Variants in RPTOR observed in about 807,000 individuals in gnomAD.
RPTOR encodes the protein regulatory-associated protein of mTOR.
Under a neutral mutation model 169.9 loss-of-function variants are expected in RPTOR, and 21 were observed. That is an observed-to-expected ratio of 0.12 (90% CI 0.09 to 0.18). The LOEUF is 0.18. Among genes scored for constraint, RPTOR ranks in the 10% least tolerant of loss-of-function variants. RPTOR has a pLI of 1.00. For missense variants in RPTOR, 1,133 were observed against 1,855.9 expected, an observed-to-expected ratio of 0.61 and a Z score of 7.16; for synonymous variants, 732 against 753.2, an observed-to-expected ratio of 0.97 and a Z score of 0.46.
rs1423548319 is a variant in RPTOR at position 80,844,757 on chromosome 17, G to C, written c.1213-1716G>C. ...GCGCTCCTGGACTTGGGCGCACGGA[G>C]GCACCCTGTCCTGCTCCTGGCGTTC... is the stretch of plus-strand genomic sequence containing the variant. On this transcript the variant is annotated intron_variant, in intron 10 of 33. Transcript: ENST00000306801. The surrounding 1 kb of genome is among the most constrained non-coding windows in gnomAD (Gnocchi z 4.7). Among the ~76,000 whole-genome samples, 2 of 152,342 alleles carry C rather than the reference G, an allele frequency of 1.3e-5. No individual in the cohort carries two copies. Among genetic ancestry groups the C allele is most frequent in the East Asian group, 3.9e-4 (2 of 5,174 alleles).
Position 80,909,044 on chromosome 17 carries a change from C to T in RPTOR, c.2520+115C>T, listed in dbSNP as rs143057016. On this transcript the variant is annotated intron_variant, in intron 21 of 33. Transcript: ENST00000306801. The stretch of plus-strand genomic sequence containing the variant: ...CACCACAGTTTAGAAAGTAACAAAA[C>T]GAGCTTCAGCAAATATCTTAAATCT... The T allele has an allele frequency of 5.8e-4, 417 of 721,208 alleles. 2 individuals carry two copies. The highest frequency in any genetic ancestry group is 1.7e-4 in the Non-Finnish European group (70 of 406,346). The allele number at this position is 721,208 out of a possible 1,614,324, so 44.7% of individuals were successfully genotyped here.
chr17:80,822,058 G>T (rs760206521), intron 7 of RPTOR, 143 bp from the exon 8 acceptor site: 7 of 722,952 alleles, frequency 9.7e-6, no homozygotes, highest in Admixed American at 1.9e-5. Flanking sequence ...GATTCTCCCT[G>T]CCGTGCGCCA....
intron 1 of RPTOR, among the ~76,000 whole-genome samples, chr17:80,610,299 T>C (rs1340861827): frequency 1.3e-5 from 2 of 152,214 alleles, no homozygotes; most frequent in African/African-American, 2.4e-5. Context: ...AAAGCTTGAT[T>C]ATACAACATT....
At chr17:80,908,069 G>T (rs2068565941) in intron 20 of RPTOR, among the ~76,000 whole-genome samples, 1 of 152,182 alleles carries the variant, frequency 6.6e-6, no homozygotes, top group Non-Finnish European at 1.5e-5. Flanking sequence ...AGGATTGCTG[G>T]GGAATTAAAT....
chr17:80,755,294 A>C (rs1041141832), intron 6 of RPTOR, among the ~76,000 whole-genome samples: 5 of 152,184 alleles, frequency 3.3e-5, no homozygotes, highest in Non-Finnish European at 7.4e-5. Flanking sequence ...ACTCACCCCA[A>C]AATAGTTGGA....
rs2143933896 is a variant in RPTOR at position 80,908,851 on chromosome 17, C to T, written c.2442C>T (p.Val814=). 1 of 1,614,146 alleles carries T rather than the reference C, an allele frequency of 6.2e-7. No homozygotes were observed. The highest frequency in any genetic ancestry group is 8.5e-7 in the Non-Finnish European group (1 of 1,179,990). ...GTGTTTACACTCAGATTTGGAGAGT[C>T]CTGCTGCACCTGGCTGCTGACCCCT... ...FNSVYTQIWR[V]LLHLAADPYP... Residue 814 remains valine, a synonymous_variant, in exon 21 of 34, where the codon GTC becomes GTT. Coordinates refer to ENST00000306801, the MANE Select transcript of RPTOR (RefSeq NM_020761.3).
At chr17:80,757,276 A>C (rs887902140) in intron 6 of RPTOR, among the ~76,000 whole-genome samples, 7 of 152,226 alleles carry the variant, frequency 4.6e-5, no homozygotes, top group African/African-American at 1.7e-4. Flanking sequence ...GCTTGTGCCA[A>C]CCAGAAATTA....
chr17:80,647,360 A>G (rs1346905622), intron 3 of RPTOR, among the ~76,000 whole-genome samples: 1 of 152,218 alleles, frequency 6.6e-6, no homozygotes, highest in Admixed American at 6.5e-5. Flanking sequence ...TTATTGGGAA[A>G]TGGGAGTAGG....
intron 5 of RPTOR, among the ~76,000 whole-genome samples, chr17:80,736,119 C>T (rs1391802157): frequency 4.0e-5 from 6 of 151,896 alleles, no homozygotes; most frequent in South Asian, 2.1e-4. Flanking sequence ...TGCAGTGAGC[C>T]GTGATTGTGC....
At chr17:80,791,191 C>CTTCA (rs2067044307) in intron 6 of RPTOR, among the ~76,000 whole-genome samples, 1 of 151,554 alleles carries the variant, frequency 6.6e-6, no homozygotes, top group African/African-American at 2.4e-5. Context: ...AGGGACCGGG[C>CTTCA]TTCATGTGGC....
rs1426793090 is a variant in RPTOR, at chr17:80,959,218, TG to T, written c.3478-856del. On this transcript the variant is annotated intron_variant, in intron 29 of 33. Transcript: ENST00000306801. This position sits in a 1 kb window ranked among gnomAD's most constrained non-coding sequence, Gnocchi z 6.7. ...CCAGCAGCTTTCATGGCACCTTCTT[TG>T]GGGTGGGGGGGTCTTGCACCTGTCT... Among the ~76,000 whole-genome samples, 38 of 152,210 alleles carry T rather than the reference TG, an allele frequency of 2.5e-4. No homozygotes were observed. Among genetic ancestry groups the T allele is most frequent in the African/African-American group, 9.1e-4 (38 of 41,552 alleles).
chr17:80,692,260 C>T (rs756746111), intron 3 of RPTOR, among the ~76,000 whole-genome samples: 20 of 151,664 alleles, frequency 1.3e-4, no homozygotes, highest in African/African-American at 3.4e-4. Flanking sequence ...TATAGGTGCA[C>T]GCCACCATGT....
intron 24 of RPTOR, among the ~76,000 whole-genome samples, chr17:80,929,176 T>A (rs1314408305): frequency 2.6e-5 from 4 of 152,230 alleles, no homozygotes; most frequent in African/African-American, 9.6e-5. Flanking sequence ...ACCATTAAAA[T>A]TCTTTAAGTT....
chr17:80,952,178 C>T (rs1440813788), intron 28 of RPTOR, among the ~76,000 whole-genome samples: 3 of 152,222 alleles, frequency 2.0e-5, no homozygotes, highest in Admixed American at 1.3e-4. Flanking sequence ...CACCACTCTT[C>T]TTGAAAGTCA....
chr17:80,885,621 G>T (rs191589802), intron 17 of RPTOR, among the ~76,000 whole-genome samples: 9 of 152,276 alleles, frequency 5.9e-5, no homozygotes, highest in African/African-American at 2.2e-4. Context: ...TTGGCTCACT[G>T]CAAGCTCCGC....
intron 6 of RPTOR, among the ~76,000 whole-genome samples, chr17:80,755,018 C>T (rs1045364203): frequency 2.6e-5 from 4 of 152,284 alleles, no homozygotes; most frequent in African/African-American, 9.6e-5. Context: ...TGGGCGGACA[C>T]GGGGAGCTAA....
At chr17:80,762,770 A>G (rs1165821114) in intron 6 of RPTOR, among the ~76,000 whole-genome samples, 1 of 152,162 alleles carries the variant, frequency 6.6e-6, no homozygotes, top group Admixed American at 6.5e-5. Flanking sequence ...CACCAAAGGG[A>G]TGGAGCTAGA....
chr17:80,920,637 C>T (rs1319979869), intron 21 of RPTOR, among the ~76,000 whole-genome samples: 1 of 152,224 alleles, frequency 6.6e-6, no homozygotes, highest in African/African-American at 2.4e-5. Flanking sequence ...TGCACAGACC[C>T]CAGGCGGCTC....
chr17:80,684,941 C>T (rs7211217), intron 3 of RPTOR, among the ~76,000 whole-genome samples: 29,624 of 152,094 alleles, frequency 0.19, 3,172 homozygotes, highest in East Asian at 0.33. Flanking sequence ...TAACATTTTG[C>T]AATTACAGAT....
Sources: allele counts gnomAD v4.1 joint callset (sites outside exome capture counted in the v4.1 genomes callset), GRCh38; gene constraint gnomAD v4.1.1; non-coding constraint Gnocchi (gnomAD v3.1); transcripts MANE v1.5; gene names NCBI Gene and HGNC (gene_info 2026-07-23, HGNC 2026-07-21).